B3GLCT: variants seen among roughly 807,000 people sequenced by gnomAD.
The protein encoded by B3GLCT is beta 3-glucosyltransferase.
In B3GLCT, 65 loss-of-function variants were observed where a neutral mutation model predicts 63.4. That is an observed-to-expected ratio of 1.03 (90% CI 0.84 to 1.26). B3GLCT has a LOEUF of 1.26. B3GLCT is among the 50% of genes most tolerant of loss of function. The pLI is 0.00. For synonymous variants in B3GLCT, 233 were observed against 219.2 expected, an observed-to-expected ratio of 1.06 and a Z score of -0.55; for missense variants, 577 against 604.8, an observed-to-expected ratio of 0.95 and a Z score of 0.48.
intron 7 of B3GLCT, among the ~76,000 whole-genome samples, chr13:31,266,897 A>G (rs182895875): frequency 6.6e-6 from 1 of 152,220 alleles, no homozygotes; most frequent in East Asian, 1.9e-4. Context: ...CAGCCTCCTG[A>G]GTAGCTGGGA....
intron 3 of B3GLCT, among the ~76,000 whole-genome samples, chr13:31,226,587 T>C (rs549029940): frequency 6.6e-6 from 1 of 152,138 alleles, no homozygotes; most frequent in Non-Finnish European, 1.5e-5. Context: ...GAGCGCAGGA[T>C]TAAGCTTTTT....
intron 4 of B3GLCT, among the ~76,000 whole-genome samples, chr13:31,239,608 A>C (rs1324708945): frequency 1.3e-5 from 2 of 152,136 alleles, no homozygotes; most frequent in African/African-American, 2.4e-5. Flanking sequence ...ACAAAAGAGC[A>C]AACAGCTCAG....
At chr13:31,302,054 G>C (rs1321472316) in intron 12 of B3GLCT, among the ~76,000 whole-genome samples, 1 of 151,974 alleles carries the variant, frequency 6.6e-6, no homozygotes, top group African/African-American at 2.4e-5. Context: ...CACCTCCCAG[G>C]ATGAGTCCTT....
chr13:31,215,502 C>T (rs780023224), intron 2 of B3GLCT, among the ~76,000 whole-genome samples: 3 of 152,268 alleles, frequency 2.0e-5, no homozygotes, highest in Non-Finnish European at 2.9e-5. Context: ...CAACCTCTGC[C>T]TCCTGGGTTC....
At chr13:31,278,643 A>C (rs1205188561) in intron 10 of B3GLCT, among the ~76,000 whole-genome samples, 1 of 152,190 alleles carries the variant, frequency 6.6e-6, no homozygotes, top group Non-Finnish European at 1.5e-5. Context: ...TTTGAAGTCC[A>C]TTTTGCATGA....
intron 2 of B3GLCT, among the ~76,000 whole-genome samples, chr13:31,222,491 A>G (rs962390574): frequency 6.6e-6 from 1 of 152,216 alleles, no homozygotes; most frequent in African/African-American, 2.4e-5. Context: ...TGAAGATAGC[A>G]TGACTGCACC....
chr13:31,274,545 C>A lies in B3GLCT; in HGVS notation c.697C>A (p.Pro233Thr). The change falls in exon 9 of 15, where the codon CCC (proline) becomes ACC (threonine). Residue 233 changes from proline (P) to threonine (T), a missense_variant. Physicochemically the swap from Pro to Thr is conservative, Grantham distance 38. Coordinates refer to ENST00000343307, the MANE Select transcript of B3GLCT (RefSeq NM_194318.4). ...CATCTGGGACAAAGGCGGAGGACCT[C>A]CCCTGACCCCAGTGCCTGAGTTTTG... Reference protein sequence around the residue: ...LYIWDKGGGPPLTPVPEFCTN... With the variant: ...LYIWDKGGGPTLTPVPEFCTN... The A allele has an allele frequency of 3.1e-6, 5 of 1,614,182 alleles. No individual in the cohort carries two copies. Among genetic ancestry groups the A allele is most frequent in the Non-Finnish European group, 4.2e-6 (5 of 1,180,020 alleles).
At chr13:31,217,806 A>C (rs7322069) in intron 2 of B3GLCT, among the ~76,000 whole-genome samples, 146,204 of 152,288 alleles carry the variant, frequency 0.96, 70,311 homozygotes, top group East Asian at 1. Context: ...GTTTCTGTAG[A>C]AGTACCATGC....
chr13:31,264,390 A>G (rs1182140957), intron 7 of B3GLCT, among the ~76,000 whole-genome samples: 3 of 152,152 alleles, frequency 2.0e-5, no homozygotes, highest in Non-Finnish European at 4.4e-5. Context: ...GCTCGTCACA[A>G]CGCTCAACAG....
intron 6 of B3GLCT, among the ~76,000 whole-genome samples, chr13:31,257,289 A>G (rs1871790833): frequency 1.3e-5 from 2 of 152,142 alleles, no homozygotes; most frequent in African/African-American, 4.8e-5. Context: ...TATACAAGCT[A>G]TATTGGCATG....
In B3GLCT at chr13:31,222,960, GAA is replaced by G. The variant is rs1426240446; in HGVS notation, c.132_133del (p.Ser45TrpfsTer7). ...KEVKQSQDLE[K>X]SGISRKNDID... is the part of the protein sequence containing the mutation. ...TTTCATTTAAAATACAGGATTTGGA[GAA>G]AAGTGGTATATCAAGGAAAAATGAC... On this transcript the variant is annotated frameshift_variant, in exon 3 of 15. Transcript: ENST00000343307. LOFTEE classifies it high-confidence loss of function. The G allele has an allele frequency of 6.6e-7, 1 of 1,524,100 alleles. No homozygotes were observed. The highest frequency in any genetic ancestry group is 2.3e-5 in the East Asian group (1 of 44,370). The allele number at this position is 1,524,100 out of a possible 1,614,324, so 94.4% of individuals were successfully genotyped here.
At chr13:31,261,502 G>A (rs998294425) in intron 7 of B3GLCT, among the ~76,000 whole-genome samples, 5 of 152,186 alleles carry the variant, frequency 3.3e-5, no homozygotes, top group Non-Finnish European at 5.9e-5. Flanking sequence ...GCATGGGTAT[G>A]CATACTTAAA....
At chr13:31,221,462 A>G (rs538609411) in intron 2 of B3GLCT, among the ~76,000 whole-genome samples, 2 of 152,344 alleles carry the variant, frequency 1.3e-5, no homozygotes, top group Admixed American at 6.5e-5. Flanking sequence ...TGAACTTTCC[A>G]GTCTTTTTTA....
chr13:31,285,947 G>A lies in B3GLCT; in HGVS notation c.965-773G>A, dbSNP rs370114531. On this transcript the variant is annotated intron_variant, in intron 11 of 14. Coordinates refer to ENST00000343307, the MANE Select transcript of B3GLCT (RefSeq NM_194318.4). ...GTGGCTTTGAAACACGTATTGTAAT[G>A]GTTAAAAATACACAGAGATCAAGAG... is the stretch of plus-strand genomic sequence containing the variant. 4.6e-5 allele frequency among the ~76,000 whole-genome samples: 7 copies of A among 152,198 alleles called. No individual in the cohort carries two copies. In the East Asian group the frequency reaches 9.6e-4, roughly 21 times the overall value.
chr13:31,326,627 A>G (rs1169721785), intron 14 of B3GLCT, among the ~76,000 whole-genome samples: 2 of 152,050 alleles, frequency 1.3e-5, no homozygotes, highest in Non-Finnish European at 2.9e-5. Flanking sequence ...TCCTGTATGC[A>G]GATGCCTACC....
intron 7 of B3GLCT, among the ~76,000 whole-genome samples, chr13:31,264,030 G>C (rs9542855): frequency 1.3e-5 from 2 of 151,948 alleles, no homozygotes; most frequent in Non-Finnish European, 2.9e-5. Context: ...GTGAGTGCCA[G>C]TTTTCTGGTT....
At chr13:31,227,259 A>C (rs1216973493) in intron 3 of B3GLCT, among the ~76,000 whole-genome samples, 1 of 152,106 alleles carries the variant, frequency 6.6e-6, no homozygotes, top group Non-Finnish European at 1.5e-5. Context: ...CACACATCTG[A>C]GTTTCTCAAG....
At chr13:31,203,982 A>G (rs191304734) in intron 1 of B3GLCT, among the ~76,000 whole-genome samples, 1 of 152,344 alleles carries the variant, frequency 6.6e-6, no homozygotes, top group Admixed American at 6.5e-5. Flanking sequence ...GTGGGTACCT[A>G]CTGTGTGTCA....
chr13:31,283,597 G>GTT (rs5802600), intron 10 of B3GLCT, among the ~76,000 whole-genome samples: 52 of 148,928 alleles, frequency 3.5e-4, no homozygotes, highest in African/African-American at 6.9e-4. Flanking sequence ...GCAGAACTCA[G>GTT]TTTTTTTAAA....
Sources: gnomAD v4.1 joint callset for allele counts (sites outside exome capture counted in the v4.1 genomes callset) on GRCh38, gnomAD v4.1.1 for gene constraint, MANE v1.5 for transcripts, NCBI Gene and HGNC (gene_info 2026-07-23, HGNC 2026-07-21) for gene names.